Variants in XRCC4 observed in about 807,000 individuals in gnomAD.
The protein encoded by XRCC4 is DNA repair protein XRCC4.
In XRCC4, 28 loss-of-function variants were observed where a neutral mutation model predicts 39.1. That is an observed-to-expected ratio of 0.72 (90% confidence interval 0.53 to 0.98). The LOEUF (loss-of-function observed/expected upper bound fraction) is 0.98. Among genes scored for constraint, XRCC4 ranks in the 50% least tolerant of loss-of-function variants. The probability of loss-of-function intolerance (pLI) is 0.00; values close to 1 mark genes in which losing one functional copy is unlikely to be tolerated. For synonymous variants in XRCC4, 123 were observed against 126.4 expected, an observed-to-expected ratio of 0.97 and a Z score of 0.18; for missense variants, 350 against 376.4, an observed-to-expected ratio of 0.93 and a Z score of 0.58.
At position 83,105,061 on chromosome 5, in the gene XRCC4, A is replaced by G. The variant is rs1333726399; in HGVS notation, c.139+3A>G. ...TCATTCAGCATGGACTGGGACAGGT[A>G]ATACTAAAAACAAAGTTTTTATAAG... On this transcript the variant is annotated splice_donor_region_variant and intron_variant, in intron 2 of 7. Transcript: ENST00000396027. 1.3e-6 allele frequency: 2 copies of G among 1,598,278 alleles called. No individual in the cohort carries two copies. Among genetic ancestry groups the G allele is most frequent in the Admixed American group, 1.8e-5 (1 of 55,800 alleles).
intron 7 of XRCC4, among the ~76,000 whole-genome samples, chr5:83,341,578 C>G (rs1756760717): frequency 6.6e-6 from 1 of 152,046 alleles, no homozygotes; most frequent in African/African-American, 2.4e-5. Context: ...CCTTTTGAGA[C>G]ACACTGCACA....
intron 7 of XRCC4, among the ~76,000 whole-genome samples, chr5:83,277,060 CTCA>C (rs34762542): frequency 0.15 from 22,556 of 152,132 alleles, 2,048 homozygotes; most frequent in Non-Finnish European, 0.21. Flanking sequence ...TTATATTGAA[CTCA>C]TCTATCTATG....
At chr5:83,119,872 G>A (rs1746914574) in intron 3 of XRCC4, among the ~76,000 whole-genome samples, 1 of 151,962 alleles carries the variant, frequency 6.6e-6, no homozygotes. Flanking sequence ...AGCTACTTAG[G>A]AGGCTGAGGT....
intron 3 of XRCC4, among the ~76,000 whole-genome samples, chr5:83,127,154 G>A (rs1421732791): frequency 6.6e-6 from 1 of 152,138 alleles, no homozygotes; most frequent in Non-Finnish European, 1.5e-5. Flanking sequence ...GGGATGGAAT[G>A]GATGTATTTT....
At chr5:83,138,420 TTG>T (rs1748003870) in intron 3 of XRCC4, among the ~76,000 whole-genome samples, 2 of 152,148 alleles carry the variant, frequency 1.3e-5, no homozygotes, top group African/African-American at 4.8e-5. Flanking sequence ...ATATTTGTTA[TTG>T]CTTGCTATAT....
chr5:83,100,220 A>C (rs1439336843), intron 1 of XRCC4, among the ~76,000 whole-genome samples: 1 of 152,168 alleles, frequency 6.6e-6, no homozygotes, highest in East Asian at 1.9e-4. Flanking sequence ...CAAAGGTTCA[A>C]ATGTGAGTTT....
At chr5:83,219,238 A>G (rs1751990304) in intron 6 of XRCC4, among the ~76,000 whole-genome samples, 1 of 152,076 alleles carries the variant, frequency 6.6e-6, no homozygotes, top group Admixed American at 6.5e-5. Context: ...TAAATACCCT[A>G]CATCCAAATA....
chr5:83,213,640 T>G (rs1229199293), intron 6 of XRCC4, among the ~76,000 whole-genome samples: 1 of 152,188 alleles, frequency 6.6e-6, no homozygotes. Flanking sequence ...GAAAATTTAA[T>G]GAAATTATAC....
chr5:83,084,102 C>T (rs975363311), intron 1 of XRCC4, among the ~76,000 whole-genome samples: 1 of 152,126 alleles, frequency 6.6e-6, no homozygotes, highest in Non-Finnish European at 1.5e-5. Flanking sequence ...TGTTTTAATG[C>T]ATTAATGGCA....
chr5:83,366,403 C>A, the XRCC4 span, among the ~76,000 whole-genome samples: 3 of 152,118 alleles, frequency 2.0e-5, no homozygotes, highest in South Asian at 6.2e-4. Context: ...AAAATACACC[C>A]AGAATTAAAT....
At chr5:83,347,059 G>A (rs958048351) in intron 7 of XRCC4, among the ~76,000 whole-genome samples, 1 of 152,012 alleles carries the variant, frequency 6.6e-6, no homozygotes, top group African/African-American at 2.4e-5. Context: ...GTTTATAAGG[G>A]CATTTAAAAA....
At chr5:83,221,769 T>TTAATATTAA (rs1462551659) in intron 6 of XRCC4, among the ~76,000 whole-genome samples, 3 of 151,662 alleles carry the variant, frequency 2.0e-5, no homozygotes, top group Admixed American at 1.3e-4. Flanking sequence ...AATACTACAT[T>TTAATATTAA]TAATATTAAT....
At chr5:83,097,483 A>G (rs1367744942) in intron 1 of XRCC4, among the ~76,000 whole-genome samples, 1 of 151,870 alleles carries the variant, frequency 6.6e-6, no homozygotes, top group African/African-American at 2.4e-5. Context: ...AAAAAAGTAC[A>G]TTGTTTATAA....
intron 3 of XRCC4, among the ~76,000 whole-genome samples, chr5:83,123,492 T>G (rs1355123459): frequency 6.6e-6 from 1 of 151,942 alleles, no homozygotes; most frequent in Admixed American, 6.6e-5. Flanking sequence ...TATCAATCTG[T>G]GTTTTTCCAT....
chr5:83,301,816 C>CATTT (rs1259368894), intron 7 of XRCC4, among the ~76,000 whole-genome samples: 2 of 152,072 alleles, frequency 1.3e-5, no homozygotes, highest in African/African-American at 4.8e-5. Context: ...TTTCCAACAC[C>CATTT]ATTTATTAAA....
At chr5:83,151,941 A>C (rs1328879638) in intron 3 of XRCC4, among the ~76,000 whole-genome samples, 1 of 152,214 alleles carries the variant, frequency 6.6e-6, no homozygotes, top group African/African-American at 2.4e-5. Flanking sequence ...CCCTACTAAA[A>C]CATCACATCA....
chr5:83,292,118 C>A, intron 7 of XRCC4, among the ~76,000 whole-genome samples: 1 of 151,628 alleles, frequency 6.6e-6, no homozygotes. Context: ...AGAGCAGCAT[C>A]TCATAGAGTT....
intron 7 of XRCC4, among the ~76,000 whole-genome samples, chr5:83,295,956 C>T (rs945170545): frequency 1.3e-5 from 2 of 152,030 alleles, no homozygotes; most frequent in Non-Finnish European, 2.9e-5. Flanking sequence ...AAGAGTAGAA[C>T]TTTAGAGGAC....
intron 3 of XRCC4, among the ~76,000 whole-genome samples, chr5:83,181,270 A>T (rs936529003): frequency 2.0e-5 from 3 of 152,028 alleles, no homozygotes; most frequent in Admixed American, 2.0e-4. Flanking sequence ...AATTGTACTA[A>T]TATTGAGTAT....
Sources: gnomAD v4.1 joint callset for allele counts (sites outside exome capture counted in the v4.1 genomes callset) on GRCh38, gnomAD v4.1.1 for gene constraint, MANE v1.5 for transcripts, NCBI Gene and HGNC (gene_info 2026-07-23, HGNC 2026-07-21) for gene names.